The following ABCC1 variants were observed in gnomAD, a reference collection of about 807,000 sequenced individuals.
The protein encoded by ABCC1 is multidrug resistance-associated protein 1.
Under a neutral mutation model 172.9 loss-of-function variants are expected in ABCC1, and 83 were observed. That is an observed-to-expected ratio of 0.48 (90% CI 0.40 to 0.58). The LOEUF (loss-of-function observed/expected upper bound fraction) is 0.58. Ranked by LOEUF, ABCC1 falls within the 20% of genes least tolerant of loss-of-function variation. The pLI, the probability that ABCC1 is intolerant of heterozygous loss-of-function variation, is 0.00. For synonymous variants in ABCC1, 937 were observed against 825.2 expected (o/e 1.14, Z -2.32); for missense variants, 1,817 against 2,002.7 (o/e 0.91, Z 1.77).
chr16:16,046,748 C>T (rs2049226883), intron 9 of ABCC1, among the ~76,000 whole-genome samples: 1 of 150,124 alleles, frequency 6.7e-6, no homozygotes, highest in African/African-American at 2.5e-5. Flanking sequence ...CCTAAATTAC[C>T]TTCTTGATCC....
chr16:16,005,994 GA>G (rs202150575), intron 1 of ABCC1, among the ~76,000 whole-genome samples: 27 of 97,598 alleles, frequency 2.8e-4, no homozygotes, highest in East Asian at 2.6e-3. Context: ...ACTCTGTCAA[GA>G]AAAAAAAAAA....
At position 16,142,373 on chromosome 16, in the gene ABCC1, C is replaced by G. The variant is rs2046155457; in HGVS notation, c.*1092C>G. The G allele has an allele frequency of 6.6e-6, 1 of 152,202 alleles. No individual in the cohort carries two copies. The highest frequency in any genetic ancestry group is 6.5e-5 in the Admixed American group (1 of 15,274). The allele number at this position is 152,202 out of a possible 1,614,324, so 9.4% of individuals were successfully genotyped here. A position where few individuals can be genotyped will look rare whatever the true frequency, so the allele number is the denominator to read the frequency against. ...CTCTTTTCTTTCCCTCTCATGGTAC[C>G]TGCTCATGGTTATGAAGCTTTCAAA... On this transcript the variant is annotated 3_prime_UTR_variant, in exon 31 of 31. Coordinates refer to ENST00000399410, the MANE Select transcript of ABCC1 (RefSeq NM_004996.4).
chr16:16,070,614 G>A (rs1012362362), intron 13 of ABCC1, among the ~76,000 whole-genome samples: 2 of 146,370 alleles, frequency 1.4e-5, no homozygotes, highest in Non-Finnish European at 1.5e-5. Flanking sequence ...GCAGTGAGCC[G>A]AGATTGCGCC....
chr16:16,102,257 C>T (rs1168603886), intron 19 of ABCC1, among the ~76,000 whole-genome samples: 1 of 152,222 alleles, frequency 6.6e-6, no homozygotes, highest in Non-Finnish European at 1.5e-5. Context: ...CCCTTTCCCT[C>T]ATGCGTTTCC....
At chr16:15,966,858 C>T (rs980643677) in intron 1 of ABCC1, among the ~76,000 whole-genome samples, 2 of 152,054 alleles carry the variant, frequency 1.3e-5, no homozygotes, top group Non-Finnish European at 2.9e-5. Context: ...CCCTGTCACC[C>T]AGGCTGGAGT....
At chr16:16,100,765 C>A (rs1433840992) in intron 19 of ABCC1, among the ~76,000 whole-genome samples, 2 of 152,190 alleles carry the variant, frequency 1.3e-5, no homozygotes, top group African/African-American at 4.8e-5. Context: ...TGCGTGCAGT[C>A]TCGTTTCACC....
intron 7 of ABCC1, among the ~76,000 whole-genome samples, chr16:16,042,212 A>G (rs930930710): frequency 1.3e-5 from 2 of 149,676 alleles, no homozygotes; most frequent in African/African-American, 4.9e-5. Context: ...CACAGTGAAC[A>G]TACCACCAGT....
intron 5 of ABCC1, among the ~76,000 whole-genome samples, chr16:16,019,671 G>A (rs188865893): frequency 2.6e-5 from 4 of 152,280 alleles, no homozygotes; most frequent in African/African-American, 4.8e-5. Context: ...TCCCCTGGGC[G>A]TGTGTGTACC....
chr16:15,949,983 G>C (rs2045828822), intron 1 of ABCC1, among the ~76,000 whole-genome samples, 184 bp downstream of exon 1: 1 of 152,104 alleles, frequency 6.6e-6, no homozygotes, highest in Admixed American at 6.5e-5. Context: ...GGGGAAACTT[G>C]GGTGACTCAG....
Position 16,016,641 on chromosome 16 carries a change from AGTGTGTGTGC to A in ABCC1, c.615+30_615+39del, listed in dbSNP as rs773155670. Reference sequence around the variant, plus strand: ...GACCCTGTAAGTGTGACCACAGATGAGTGTGTGTGCGTGTGTGTGTGAGAGAGATGCGTGA... The same window carrying A: ...GACCCTGTAAGTGTGACCACAGATGAGTGTGTGTGTGAGAGAGATGCGTGA... On this transcript the variant is annotated intron_variant, in intron 5 of 30. Coordinates refer to ENST00000399410, the MANE Select transcript of ABCC1 (RefSeq NM_004996.4). 4 of 1,613,884 alleles carry A rather than the reference AGTGTGTGTGC, an allele frequency of 2.5e-6. No individual in the cohort carries two copies. Among genetic ancestry groups the A allele is most frequent in the Non-Finnish European group, 3.4e-6 (4 of 1,179,912 alleles).
chr16:16,046,604 C>G (rs2049219531), intron 9 of ABCC1, among the ~76,000 whole-genome samples: 1 of 152,166 alleles, frequency 6.6e-6, no homozygotes, highest in South Asian at 2.1e-4. Context: ...CTCAGCCTCC[C>G]AAAGTGCTGG....
chr16:16,024,112 G>A (rs1032241660), intron 5 of ABCC1, among the ~76,000 whole-genome samples: 1 of 152,118 alleles, frequency 6.6e-6, no homozygotes, highest in Admixed American at 6.6e-5. Flanking sequence ...CCAGCTACTC[G>A]GGAGGCTCAG....
intron 5 of ABCC1, among the ~76,000 whole-genome samples, chr16:16,027,189 T>C (rs773769123): frequency 6.6e-6 from 1 of 152,106 alleles, no homozygotes; most frequent in Non-Finnish European, 1.5e-5. Context: ...AATCACTGTG[T>C]CTTGGTATGT....
chr16:16,065,935 T>C (rs182157080), intron 12 of ABCC1, among the ~76,000 whole-genome samples: 133 of 151,982 alleles, frequency 8.8e-4, no homozygotes, highest in Non-Finnish European at 6.0e-4. Context: ...AATTCAGTGG[T>C]TTTTTTGTGT....
intron 1 of ABCC1, among the ~76,000 whole-genome samples, chr16:15,961,123 G>A (rs549334965): frequency 2.7e-4 from 41 of 151,514 alleles, no homozygotes; most frequent in African/African-American, 7.8e-4. Flanking sequence ...TGGGATTACA[G>A]GCATGAGGCA....
intron 3 of ABCC1, 66 bp from the exon 4 acceptor site, chr16:16,014,425 T>C (rs4148337): frequency 0.67 from 1,042,601 of 1,563,264 alleles, 353,318 homozygotes; most frequent in Non-Finnish European, 0.7. Context: ...CCAGCCTGGG[T>C]GACAAGAGTG....
chr16:16,103,299 G>A (rs958811028), intron 20 of ABCC1, among the ~76,000 whole-genome samples: 10 of 152,184 alleles, frequency 6.6e-5, no homozygotes, highest in African/African-American at 2.4e-4. Context: ...GGCTAAGTCG[G>A]CCAGGCAGGG....
intron 11 of ABCC1, among the ~76,000 whole-genome samples, chr16:16,054,486 A>G (rs1441224414): frequency 2.0e-5 from 3 of 151,630 alleles, no homozygotes; most frequent in Non-Finnish European, 4.4e-5. Context: ...GTTGATGGAT[A>G]TTTATGGTGT....
intron 16 of ABCC1, 35 bp from the exon 17 acceptor site, chr16:16,083,331 T>C: frequency 6.2e-7 from 1 of 1,604,812 alleles, no homozygotes; most frequent in East Asian, 2.2e-5. Flanking sequence ...TCTGTCTGTG[T>C]GTCTGTCTCA....
Sources: allele counts gnomAD v4.1 joint callset (sites outside exome capture counted in the v4.1 genomes callset), GRCh38; gene constraint gnomAD v4.1.1; transcripts MANE v1.5; gene names NCBI Gene and HGNC (gene_info 2026-07-23, HGNC 2026-07-21).